The following ZC3H13 variants were observed in gnomAD, a reference collection of about 807,000 sequenced individuals.
ZC3H13 encodes zinc finger CCCH domain-containing protein 13.
Under a neutral mutation model 204.1 loss-of-function variants are expected in ZC3H13, and 64 were observed. That is an observed-to-expected ratio of 0.31 (90% CI 0.26 to 0.39). ZC3H13 has a LOEUF of 0.39. Among genes scored for constraint, ZC3H13 ranks in the 10% least tolerant of loss-of-function variants. The probability of loss-of-function intolerance (pLI) is 1.00; values close to 1 mark genes in which losing one functional copy is unlikely to be tolerated. For missense variants in ZC3H13, 1,833 were observed against 2,082.7 expected (o/e 0.88, Z 2.33); for synonymous variants, 667 against 693.7 (o/e 0.96, Z 0.60).
intron 17 of ZC3H13, 47 bp from the exon 18 acceptor site, chr13:45,959,693 A>C: frequency 6.8e-7 from 1 of 1,465,434 alleles, no homozygotes; most frequent in South Asian, 1.4e-5. Context: ...AAAATAGAAA[A>C]GGGTTACCAA....
At chr13:46,008,640 T>A (rs1160548239) in intron 7 of ZC3H13, among the ~76,000 whole-genome samples, 3 of 152,076 alleles carry the variant, frequency 2.0e-5, no homozygotes, top group Non-Finnish European at 4.4e-5. Flanking sequence ...ACAGAACAGA[T>A]AAGACAAGGA....
chr13:46,040,698 T>C (rs571691896), intron 4 of ZC3H13, among the ~76,000 whole-genome samples: 1 of 152,250 alleles, frequency 6.6e-6, no homozygotes, highest in South Asian at 2.1e-4. Flanking sequence ...ATCTGCAAGT[T>C]ACATATACGA....
At chr13:45,997,854 C>T (rs1208170494) in intron 8 of ZC3H13, among the ~76,000 whole-genome samples, 1 of 151,956 alleles carries the variant, frequency 6.6e-6, no homozygotes, top group East Asian at 1.9e-4. Context: ...AAAGCCAAAA[C>T]CCACGTATTT....
At chr13:46,011,988 T>C (rs923704304) in intron 5 of ZC3H13, among the ~76,000 whole-genome samples, 1 of 152,224 alleles carries the variant, frequency 6.6e-6, no homozygotes, top group African/African-American at 2.4e-5. Flanking sequence ...TGAGGTTATA[T>C]TACGTGTGCA....
chr13:45,959,483 C>T lies in ZC3H13; in HGVS notation c.4839G>A (p.Lys1613=). 1 of 1,537,610 alleles carries T rather than the reference C, an allele frequency of 6.5e-7. No homozygotes were observed. Among genetic ancestry groups the T allele is most frequent in the Non-Finnish European group, 8.8e-7 (1 of 1,141,862 alleles). ...ATTTTTTCCAAGGAAATAACAGTAC[C>T]TTCTCATTTTTAACAAGCTGCTTTC... ...AIRKQLVKNE[K]GTIKQAYTSA... is the part of the protein sequence containing the mutation. The change falls in exon 18 of 19, where the codon AAG becomes AAA. Residue 1613 remains lysine, a splice_region_variant and synonymous_variant. Transcript: ENST00000679008.
chr13:46,021,388 A>G (rs916540674), intron 4 of ZC3H13, among the ~76,000 whole-genome samples: 6 of 152,000 alleles, frequency 3.9e-5, no homozygotes, highest in African/African-American at 7.2e-5. Context: ...CCAGTGTTAT[A>G]TAATTGTTAT....
intron 1 of ZC3H13, among the ~76,000 whole-genome samples, chr13:46,049,336 T>C (rs576672303): frequency 6.6e-6 from 1 of 152,256 alleles, no homozygotes; most frequent in African/African-American, 2.4e-5. Context: ...AAATGTTCTT[T>C]AATGTGATAT....
intron 16 of ZC3H13, among the ~76,000 whole-genome samples, 197 bp downstream of exon 16, chr13:45,965,083 T>G (rs1951974704): frequency 1.3e-5 from 2 of 152,196 alleles, no homozygotes; most frequent in African/African-American, 4.8e-5. Context: ...CCTTTCTAAT[T>G]CATAGACAAT....
Position 45,955,763 on chromosome 13 carries a change from A to G in ZC3H13, c.*1364T>C, listed in dbSNP as rs1328101182. ...CTTCTCCTGCTCTGTTTGCAATTAT[A>G]CATGCTTTCAAAGTCATTTGAAAGT... On this transcript the variant is annotated 3_prime_UTR_variant, in exon 19 of 19. Transcript: ENST00000679008. 6.6e-6 allele frequency: 1 copy of G among 152,152 alleles called. No homozygotes were observed. Among genetic ancestry groups the G allele is most frequent in the Non-Finnish European group, 1.5e-5 (1 of 67,990 alleles). 9.4% of individuals were successfully genotyped at this position (152,152 alleles called of 1,614,324 possible). A position where few individuals can be genotyped will look rare whatever the true frequency, so the allele number is the denominator to read the frequency against.
At chr13:45,999,704 G>A (rs1464900380) in intron 8 of ZC3H13, among the ~76,000 whole-genome samples, 6 of 152,266 alleles carry the variant, frequency 3.9e-5, no homozygotes, top group Non-Finnish European at 4.4e-5. Context: ...TGTGAATGAC[G>A]AATGTTCTTA....
At chr13:45,965,064 A>G (rs146544513) in intron 16 of ZC3H13, among the ~76,000 whole-genome samples, 1 of 152,338 alleles carries the variant, frequency 6.6e-6, no homozygotes, top group Non-Finnish European at 1.5e-5. Flanking sequence ...TTGCTATTTT[A>G]AATGAGGCCC....
At chr13:46,004,493 T>C (rs150699757) in intron 7 of ZC3H13, among the ~76,000 whole-genome samples, 90 of 152,226 alleles carry the variant, frequency 5.9e-4, no homozygotes, top group African/African-American at 2.1e-3. Flanking sequence ...TGAGCCAAGA[T>C]TGCGCCACTG....
intron 12 of ZC3H13, among the ~76,000 whole-genome samples, chr13:45,971,140 A>G (rs1427766409): frequency 6.6e-6 from 1 of 152,230 alleles, no homozygotes; most frequent in Non-Finnish European, 1.5e-5. Flanking sequence ...TGACAAATTA[A>G]TAAAATAATT....
At chr13:46,048,778 G>A (rs1274009039) in intron 1 of ZC3H13, among the ~76,000 whole-genome samples, 4 of 151,718 alleles carry the variant, frequency 2.6e-5, no homozygotes, top group East Asian at 3.9e-4. Flanking sequence ...ATTATCCCAG[G>A]AATTTCACTT....
At chr13:46,008,784 AT>A (rs2041339004) in intron 7 of ZC3H13, among the ~76,000 whole-genome samples, 1 of 152,188 alleles carries the variant, frequency 6.6e-6, no homozygotes, top group African/African-American at 2.4e-5. Context: ...AACTTCTTCA[AT>A]ATACCTTTGC....
intron 12 of ZC3H13, among the ~76,000 whole-genome samples, chr13:45,970,994 TG>T (rs1952536722): frequency 6.6e-6 from 1 of 152,192 alleles, no homozygotes; most frequent in Admixed American, 6.5e-5. Flanking sequence ...TGGGGCTGAA[TG>T]GGTGGGAAAT....
At chr13:45,960,087 G>A (rs932881380) in intron 17 of ZC3H13, among the ~76,000 whole-genome samples, 2 of 152,066 alleles carry the variant, frequency 1.3e-5, no homozygotes, top group Non-Finnish European at 2.9e-5. Context: ...GAGTAGCTGG[G>A]ATTACAGGCG....
At position 46,039,302 on chromosome 13, in the gene ZC3H13, A is replaced by G. The variant is rs140770639; in HGVS notation, c.339+2862T>C. 5.3e-3 allele frequency among the ~76,000 whole-genome samples: 810 copies of G among 152,334 alleles called. 7 individuals carry two copies. Among genetic ancestry groups the G allele is most frequent in the African/African-American group, 0.018 (765 of 41,574 alleles). On this transcript the variant is annotated intron_variant, in intron 4 of 18. Transcript: ENST00000679008. ...TAAACAACACACTTACATTCAGTTAACTGTCAACAACCTAAATCTCCAAGG... is the reference window on the plus strand; with the variant it reads ...TAAACAACACACTTACATTCAGTTAGCTGTCAACAACCTAAATCTCCAAGG...
chr13:46,010,075 C>T, intron 7 of ZC3H13: 1 of 227,346 alleles, frequency 4.4e-6, no homozygotes. Flanking sequence ...ATCATAAACA[C>T]CAGATTTAAG....
Sources: gnomAD v4.1 joint callset for allele counts (sites outside exome capture counted in the v4.1 genomes callset) on GRCh38, gnomAD v4.1.1 for gene constraint, MANE v1.5 for transcripts, NCBI Gene and HGNC (gene_info 2026-07-23, HGNC 2026-07-21) for gene names.